Variants in BLM observed in about 807,000 individuals in gnomAD.
The protein encoded by BLM is BLM RecQ like helicase.
BLM carries 95 observed loss-of-function variants against 135.3 expected under a neutral mutation model. The ratio of observed to expected loss-of-function variants is 0.70; its 90% CI spans 0.59 to 0.83. BLM has a LOEUF of 0.83. Among genes scored for constraint, BLM ranks in the 40% least tolerant of loss-of-function variants. The pLI is 0.00. For missense variants in BLM, 1,518 were observed against 1,663.9 expected, an observed-to-expected ratio of 0.91 and a Z score of 1.53; for synonymous variants, 520 against 589.2, an observed-to-expected ratio of 0.88 and a Z score of 1.70.
chr15:90,803,195 GCA>G (rs1897203411), intron 17 of BLM, among the ~76,000 whole-genome samples: 1 of 151,328 alleles, frequency 6.6e-6, no homozygotes, highest in African/African-American at 2.4e-5. Flanking sequence ...GATAAGTAAT[GCA>G]CAGTTATCCT....
Position 90,769,577 on chromosome 15 carries a change from G to A in BLM, c.2546G>A (p.Arg849Lys), listed in dbSNP as rs780523899. Residue 849 changes from arginine (R) to lysine (K), a missense_variant, in exon 12 of 22, where the codon AGA becomes AAA. Around this residue, in one of 5 missense-constraint regions of BLM, gnomAD observed 626 missense variants for 681.1 expected, o/e 0.92. Coordinates refer to ENST00000355112, the MANE Select transcript of BLM (RefSeq NM_000057.4). ...KDILTQLKIL[R>K]PQVFSMSFNR... ...ATCCTGACTCAGCTGAAGATTCTCA[G>A]ACCTCAGGTGTAAGTTGTTGCACGT... is the stretch of plus-strand genomic sequence containing the variant. The A allele has an allele frequency of 1.2e-6, 2 of 1,613,758 alleles. No homozygotes were observed. Among genetic ancestry groups the A allele is most frequent in the East Asian group, 4.5e-5 (2 of 44,882 alleles).
At chr15:90,720,999 C>G (rs1433333987) in intron 1 of BLM, among the ~76,000 whole-genome samples, 2 of 151,928 alleles carry the variant, frequency 1.3e-5, no homozygotes, top group African/African-American at 2.4e-5. Flanking sequence ...TCAAGACCAG[C>G]CTGGGCAACA....
Position 90,792,857 on chromosome 15 carries a change from G to A in BLM, c.3020-1310G>A, listed in dbSNP as rs897367936. On this transcript the variant is annotated intron_variant, in intron 15 of 21. Transcript: ENST00000355112. ...TCTGATTCCAAAGTCCATGTTCCTT[G>A]CACTATACCAAAGTGATTCTCAGTG... Among the ~76,000 whole-genome samples, 11 of 152,084 alleles carry A rather than the reference G, an allele frequency of 7.2e-5. No individual in the cohort carries two copies. The East Asian group carries it at 1.9e-3, about 27-fold the overall frequency.
intron 1 of BLM, among the ~76,000 whole-genome samples, chr15:90,740,632 GT>G (rs1457277536): frequency 6.6e-6 from 1 of 152,114 alleles, no homozygotes; most frequent in Non-Finnish European, 1.5e-5. Flanking sequence ...TGGTGATATG[GT>G]TTGCCTGTGT....
At chr15:90,742,960 G>A (rs1031338556) in intron 1 of BLM, among the ~76,000 whole-genome samples, 1 of 149,328 alleles carries the variant, frequency 6.7e-6, no homozygotes, top group Non-Finnish European at 1.5e-5. Context: ...TTAATAGCCA[G>A]TTTTAAAGGT....
chr15:90,792,601 G>T (rs1003510663), intron 15 of BLM, among the ~76,000 whole-genome samples: 1 of 152,146 alleles, frequency 6.6e-6, no homozygotes, highest in Non-Finnish European at 1.5e-5. Context: ...CACTGATATG[G>T]CAGGAGCAAT....
chr15:90,748,969 G>A (rs1160585823), intron 2 of BLM, among the ~76,000 whole-genome samples: 2 of 152,000 alleles, frequency 1.3e-5, no homozygotes, highest in Non-Finnish European at 2.9e-5. Flanking sequence ...ATGTTGGCCA[G>A]GCTGGTCTCG....
intron 20 of BLM, among the ~76,000 whole-genome samples, chr15:90,810,138 T>C (rs1596272627): frequency 6.8e-6 from 1 of 147,264 alleles, no homozygotes; most frequent in Non-Finnish European, 1.5e-5. Flanking sequence ...TGGCTCACTA[T>C]GCCTCCCAGA....
At chr15:90,763,765 G>T (rs1354282717) in intron 8 of BLM, among the ~76,000 whole-genome samples, 7 of 152,178 alleles carry the variant, frequency 4.6e-5, no homozygotes, top group Non-Finnish European at 8.8e-5. Flanking sequence ...AAGAGTCTAG[G>T]ACATTCATTG....
intron 4 of BLM, among the ~76,000 whole-genome samples, chr15:90,752,522 A>G (rs1214523116): frequency 6.6e-6 from 1 of 152,232 alleles, no homozygotes; most frequent in Non-Finnish European, 1.5e-5. Context: ...TAAAAATATT[A>G]TATTTCCAAA....
rs1000937030 is a variant in BLM, at chr15:90,748,643, G to A, written c.99-724G>A. On this transcript the variant is annotated intron_variant, in intron 2 of 21. Transcript: ENST00000355112. ...TCCAGCAGATAGCCACGATTCCTGCGTCTTTTACTTGTCCTGCAGATTTTA... is the reference window on the plus strand; with the variant it reads ...TCCAGCAGATAGCCACGATTCCTGCATCTTTTACTTGTCCTGCAGATTTTA... Among the ~76,000 whole-genome samples, 26 of 152,014 alleles carry A rather than the reference G, an allele frequency of 1.7e-4. 1 individual carries two copies. Among genetic ancestry groups the A allele is most frequent in the Admixed American group, 1.3e-4 (2 of 15,262 alleles).
At chr15:90,782,157 G>A (rs969554082) in intron 12 of BLM, among the ~76,000 whole-genome samples, 2 of 152,312 alleles carry the variant, frequency 1.3e-5, no homozygotes, top group East Asian at 1.9e-4. Context: ...GGAGGCCAAG[G>A]CAAGTGGATT....
intron 12 of BLM, among the ~76,000 whole-genome samples, chr15:90,772,175 G>A (rs959698196): frequency 1.3e-5 from 2 of 152,160 alleles, no homozygotes; most frequent in Admixed American, 6.5e-5. Context: ...GCCCTGGTTT[G>A]GATTAAATTT....
chr15:90,813,809 G>T (rs9282613), intron 21 of BLM, among the ~76,000 whole-genome samples: 1 of 152,138 alleles, frequency 6.6e-6, no homozygotes, highest in African/African-American at 2.4e-5. Context: ...GTGCTCCCCG[G>T]ATTGAGAGTC....
intron 13 of BLM, among the ~76,000 whole-genome samples, chr15:90,783,209 T>A (rs1436677491): frequency 4.6e-5 from 7 of 152,244 alleles, no homozygotes; most frequent in Admixed American, 4.6e-4. Flanking sequence ...CTTCTATCAG[T>A]GTTTGAATTA....
Position 90,760,133 on chromosome 15 carries a change from T to C in BLM, c.1088-14T>C, listed in dbSNP as rs781351856. The C allele has an allele frequency of 4.4e-5, 70 of 1,605,418 alleles. No individual in the cohort carries two copies. The highest frequency in any genetic ancestry group is 8.5e-6 in the Non-Finnish European group (10 of 1,173,188). On this transcript the variant is annotated splice_polypyrimidine_tract_variant and intron_variant, in intron 5 of 21. Transcript: ENST00000355112. ...CCCTCAAAGAAAAATATTAACAACA[T>C]AATTATTTTATAGCTAGACAGATAA... is the stretch of plus-strand genomic sequence containing the variant.
At chr15:90,744,954 G>A (rs1031790600) in intron 1 of BLM, among the ~76,000 whole-genome samples, 20 of 151,858 alleles carry the variant, frequency 1.3e-4, no homozygotes, top group Admixed American at 2.6e-4. Context: ...GGGAGGGTGA[G>A]GTGGGAGGAA....
At chr15:90,722,388 C>T (rs1187303292) in intron 1 of BLM, among the ~76,000 whole-genome samples, 1 of 152,106 alleles carries the variant, frequency 6.6e-6, no homozygotes, top group African/African-American at 2.4e-5. Flanking sequence ...GGATTACAGG[C>T]ATGAGCCGCC....
chr15:90,766,274 C>T (rs939502704), intron 9 of BLM, among the ~76,000 whole-genome samples: 3 of 151,552 alleles, frequency 2.0e-5, no homozygotes, highest in African/African-American at 7.3e-5. Flanking sequence ...TCTTTAAAAC[C>T]CTGAAATACA....
Sources: gnomAD v4.1 joint callset for allele counts (sites outside exome capture counted in the v4.1 genomes callset) on GRCh38, gnomAD v4.1.1 for gene constraint, gnomAD v4.1.1 regional missense constraint, MANE v1.5 for transcripts, NCBI Gene and HGNC (gene_info 2026-07-23, HGNC 2026-07-21) for gene names.